GADL1: variants seen among roughly 807,000 people sequenced by gnomAD.
GADL1 encodes GAD like acidic amino acid decarboxylase 1.
In GADL1, 71 loss-of-function variants were observed where a neutral mutation model predicts 69.5. The ratio of observed to expected loss-of-function variants is 1.02; its 90% confidence interval spans 0.84 to 1.25. GADL1 has a LOEUF of 1.25. GADL1 is among the 50% of genes most tolerant of loss of function. The pLI is 0.00. For synonymous variants in GADL1, 254 were observed against 214.4 expected (o/e 1.18, Z -1.62); for missense variants, 737 against 631.8 (o/e 1.17, Z -1.79).
chr3:30,761,681 A>AT lies in GADL1; in HGVS notation c.1392+16497dup, dbSNP rs1389385294. On this transcript the variant is annotated intron_variant, in intron 14 of 14. Coordinates refer to ENST00000282538, the MANE Select transcript of GADL1 (RefSeq NM_207359.3). ...AGTAACTTTTTAAAAAAGGAATGAG[A>AT]TTTTTTTAGACATATCCATTTGTGT... 3.3e-5 allele frequency among the ~76,000 whole-genome samples: 5 copies of AT among 149,540 alleles called. No homozygotes were observed. In the East Asian group the frequency reaches 9.8e-4, roughly 29 times the overall value.
intron 8 of GADL1, among the ~76,000 whole-genome samples, chr3:30,842,197 G>T (rs1444146759): frequency 1.3e-5 from 2 of 152,054 alleles, no homozygotes; most frequent in Non-Finnish European, 2.9e-5. Flanking sequence ...TTTTTAAAAG[G>T]GCAATGGGGA....
At chr3:30,828,606 G>T (rs1337916993) in intron 11 of GADL1, among the ~76,000 whole-genome samples, 14 of 151,790 alleles carry the variant, frequency 9.2e-5, no homozygotes, top group African/African-American at 3.4e-4. Flanking sequence ...ACAATTGTGT[G>T]TCAATACACT....
intron 1 of GADL1, among the ~76,000 whole-genome samples, chr3:30,887,568 G>T (rs567540331): frequency 6.6e-6 from 1 of 152,172 alleles, no homozygotes; most frequent in Non-Finnish European, 1.5e-5. Flanking sequence ...CTTGACCTTG[G>T]ACTTCCCAGC....
At chr3:30,740,905 T>C (rs551218256) in intron 14 of GADL1, among the ~76,000 whole-genome samples, 1 of 142,532 alleles carries the variant, frequency 7.0e-6, no homozygotes, top group African/African-American at 2.6e-5. Flanking sequence ...CAAACATATA[T>C]ATATCTAATA....
chr3:30,808,031 G>C (rs147902807), intron 11 of GADL1, among the ~76,000 whole-genome samples: 10 of 152,144 alleles, frequency 6.6e-5, no homozygotes, highest in East Asian at 5.8e-4. Context: ...GACCCCTTCG[G>C]GGGGGAAATA....
At chr3:30,773,879 T>G (rs1262847827) in intron 14 of GADL1, among the ~76,000 whole-genome samples, 1 of 152,094 alleles carries the variant, frequency 6.6e-6, no homozygotes, top group Non-Finnish European at 1.5e-5. Flanking sequence ...TACCCATGAA[T>G]AGCTTACAGG....
intron 14 of GADL1, among the ~76,000 whole-genome samples, chr3:30,766,999 TAATG>T (rs1246872231): frequency 1.3e-5 from 2 of 152,178 alleles, no homozygotes; most frequent in African/African-American, 4.8e-5. Context: ...GGATGAATAA[TAATG>T]AAAGCTAATG....
At chr3:30,804,702 A>G (rs1454995754) in intron 11 of GADL1, among the ~76,000 whole-genome samples, 1 of 152,058 alleles carries the variant, frequency 6.6e-6, no homozygotes, top group African/African-American at 2.4e-5. Context: ...ATGAATCCCT[A>G]CTTGTCCATG....
chr3:30,817,968 T>A lies in GADL1; in HGVS notation c.1050+15885A>T, dbSNP rs79058990. Among the ~76,000 whole-genome samples, 2,514 of 152,302 alleles carry A rather than the reference T, an allele frequency of 0.017. 168 individuals are homozygous for A. In the East Asian group the frequency reaches 0.25, roughly 15 times the overall value. ...ACTGGAGATACGGAAGATACAATTC[T>A]TGTTTTTTTAGTTTCTGGACTACAT... On this transcript the variant is annotated intron_variant, in intron 11 of 14. Transcript: ENST00000282538.
Position 30,842,445 on chromosome 3 carries a change from CATG to C in GADL1, c.786+1762_786+1764del, listed in dbSNP as rs1196051938. 4.6e-5 allele frequency among the ~76,000 whole-genome samples: 7 copies of C among 151,860 alleles called. No homozygotes were observed. In the South Asian group the frequency reaches 1.2e-3, roughly 27 times the overall value. On this transcript the variant is annotated intron_variant, in intron 8 of 14. Coordinates refer to ENST00000282538, the MANE Select transcript of GADL1 (RefSeq NM_207359.3). ...ATTACAGAATGGGTATATGAAGCCT[CATG>C]ATATTAGTCTCTTGGTTTTTGTGTG...
At chr3:30,828,258 ATCAT>A (rs1697716537) in intron 11 of GADL1, among the ~76,000 whole-genome samples, 1 of 151,866 alleles carries the variant, frequency 6.6e-6, no homozygotes, top group Non-Finnish European at 1.5e-5. Flanking sequence ...TGTAATATCA[ATCAT>A]TCAGAACAGA....
At chr3:30,839,349 T>C (rs186900168) in intron 8 of GADL1, among the ~76,000 whole-genome samples, 68 of 151,794 alleles carry the variant, frequency 4.5e-4, no homozygotes, top group Admixed American at 1.2e-3. Flanking sequence ...ACTCAGTACA[T>C]CTTCAGTATT....
intron 14 of GADL1, among the ~76,000 whole-genome samples, chr3:30,736,945 G>A (rs1438593613): frequency 6.6e-6 from 1 of 151,992 alleles, no homozygotes; most frequent in Admixed American, 6.6e-5. Context: ...ACTTTTTCTT[G>A]GACCCATGAA....
intron 14 of GADL1, among the ~76,000 whole-genome samples, chr3:30,764,176 T>C (rs1215367149): frequency 6.6e-6 from 1 of 151,920 alleles, no homozygotes. Flanking sequence ...TTAAAGTTTT[T>C]CAAAACTTAG....
chr3:30,890,319 T>G (rs1698769427), intron 1 of GADL1, among the ~76,000 whole-genome samples: 1 of 152,216 alleles, frequency 6.6e-6, no homozygotes, highest in South Asian at 2.1e-4. Flanking sequence ...CCAGGCACTT[T>G]GCTAGATGCT....
intron 14 of GADL1, among the ~76,000 whole-genome samples, chr3:30,736,813 T>C (rs1428998318): frequency 6.6e-6 from 1 of 152,198 alleles, no homozygotes; most frequent in Admixed American, 6.5e-5. Context: ...GCAGATTTTT[T>C]GGAGGGAAGT....
chr3:30,754,409 C>CA (rs1202844139), intron 14 of GADL1, among the ~76,000 whole-genome samples: 7 of 152,174 alleles, frequency 4.6e-5, no homozygotes, highest in African/African-American at 1.7e-4. Context: ...TATATTCAAC[C>CA]ATAAGCCTTA....
chr3:30,804,621 C>A (rs2125508879), intron 11 of GADL1, among the ~76,000 whole-genome samples: 1 of 152,276 alleles, frequency 6.6e-6, no homozygotes, highest in Non-Finnish European at 1.5e-5. Flanking sequence ...AGATGTCTAA[C>A]CTGTATCCTT....
intron 14 of GADL1, among the ~76,000 whole-genome samples, chr3:30,739,377 G>A (rs1379442507): frequency 6.6e-6 from 1 of 151,990 alleles, no homozygotes; most frequent in African/African-American, 2.4e-5. Context: ...CCACCTGCCT[G>A]TGCCCACCTG....
Sources: gnomAD v4.1 joint callset for allele counts (sites outside exome capture counted in the v4.1 genomes callset) on GRCh38, gnomAD v4.1.1 for gene constraint, MANE v1.5 for transcripts, NCBI Gene and HGNC (gene_info 2026-07-23, HGNC 2026-07-21) for gene names.